Variants in KNTC1 observed in about 807,000 individuals in gnomAD.
KNTC1 encodes the protein kinetochore-associated protein 1.
KNTC1 carries 253 observed loss-of-function variants against 314.4 expected under a neutral mutation model. That is an observed-to-expected ratio of 0.80 (90% CI 0.73 to 0.89). The LOEUF is 0.89. KNTC1 is among the 40% of genes least tolerant of loss of function. KNTC1 has a pLI of 0.00. For synonymous variants in KNTC1, 901 were observed against 901.4 expected, an observed-to-expected ratio of 1.00 and a Z score of 0.01; for missense variants, 2,475 against 2,572.9, an observed-to-expected ratio of 0.96 and a Z score of 0.82.
chr12:122,550,535 C>G (rs1259428457), intron 13 of KNTC1, among the ~76,000 whole-genome samples: 1 of 152,016 alleles, frequency 6.6e-6, no homozygotes, highest in East Asian at 1.9e-4. Context: ...CAGGGTCTTG[C>G]TCTGTTGCCC....
intron 34 of KNTC1, among the ~76,000 whole-genome samples, chr12:122,583,732 A>C (rs1868791632): frequency 6.6e-6 from 1 of 152,150 alleles, no homozygotes; most frequent in Non-Finnish European, 1.5e-5. Context: ...AGGCTGAGGC[A>C]GGAGAATCGC....
chr12:122,620,726 T>A, intron 60 of KNTC1, 118 bp downstream of exon 60: 1 of 1,051,764 alleles, frequency 9.5e-7, no homozygotes, highest in Non-Finnish European at 1.4e-6. Flanking sequence ...ATACATCAGA[T>A]ATGTGTGAAG....
At chr12:122,558,219 C>T (rs1963734670) in intron 18 of KNTC1, among the ~76,000 whole-genome samples, 1 of 152,124 alleles carries the variant, frequency 6.6e-6, no homozygotes, top group South Asian at 2.1e-4. Flanking sequence ...CACTGCTCTT[C>T]AGCCTGGGTG....
Position 122,549,747 on chromosome 12 carries a change from G to A in KNTC1, c.988-19G>A. The A allele has an allele frequency of 8.6e-7, 1 of 1,161,278 alleles. No individual in the cohort carries two copies. The highest frequency in any genetic ancestry group is 1.3e-6 in the Non-Finnish European group (1 of 789,806). 71.9% of individuals were successfully genotyped at this position (1,161,278 alleles called of 1,614,324 possible). On this transcript the variant is annotated intron_variant, in intron 12 of 63. Coordinates refer to ENST00000333479, the MANE Select transcript of KNTC1 (RefSeq NM_014708.6). ...TTTAAATTGATCTGCTAAATTAATT[G>A]CTCTGCTATTTTTCTTAGATGAAAA...
At chr12:122,564,075 T>A (rs1016415571) in intron 20 of KNTC1, among the ~76,000 whole-genome samples, 1 of 152,208 alleles carries the variant, frequency 6.6e-6, no homozygotes, top group Admixed American at 6.5e-5. Flanking sequence ...CCTCTCAGTT[T>A]CAAGCAATTC....
intron 39 of KNTC1, 141 bp downstream of exon 39, chr12:122,588,015 A>T (rs1869621242): frequency 1.5e-6 from 1 of 679,262 alleles, no homozygotes; most frequent in African/African-American, 1.8e-5. Flanking sequence ...ACATTTGTTG[A>T]GCATCTCTAA....
intron 8 of KNTC1, among the ~76,000 whole-genome samples, chr12:122,544,531 C>G (rs1340628156): frequency 2.6e-5 from 4 of 151,884 alleles, no homozygotes; most frequent in Non-Finnish European, 5.9e-5. Context: ...AAAACAAAAC[C>G]AAAAAATTCC....
intron 16 of KNTC1, among the ~76,000 whole-genome samples, chr12:122,554,074 A>ATATATATATAT (rs71445282): frequency 1.3e-4 from 9 of 70,688 alleles, no homozygotes; most frequent in African/African-American, 3.1e-4. Flanking sequence ...TAAAAAAAAA[A>ATATATATATAT]AAATATATAT....
At chr12:122,614,404 G>A (rs1954034383) in intron 55 of KNTC1, among the ~76,000 whole-genome samples, 1 of 152,118 alleles carries the variant, frequency 6.6e-6, no homozygotes, top group African/African-American at 2.4e-5. Context: ...TTTAGCCTCT[G>A]AGTCAGTTGG....
At chr12:122,605,691 G>A (rs1426040425) in intron 51 of KNTC1, among the ~76,000 whole-genome samples, 1 of 151,948 alleles carries the variant, frequency 6.6e-6, no homozygotes, top group Non-Finnish European at 1.5e-5. Flanking sequence ...GATTACAGGC[G>A]CCTGCTACCA....
intron 44 of KNTC1, among the ~76,000 whole-genome samples, chr12:122,600,163 G>T (rs1392631978): frequency 1.3e-5 from 2 of 152,026 alleles, no homozygotes; most frequent in East Asian, 3.9e-4. Flanking sequence ...GTAATGGCAC[G>T]ATCTTGGCTC....
At chr12:122,584,828 G>T in intron 35 of KNTC1, 65 bp from the exon 36 acceptor site, 1 of 820,590 alleles carries the variant, frequency 1.2e-6, no homozygotes, top group South Asian at 1.7e-5. Context: ...ATTATTAAAA[G>T]GTTGTTTTCA....
chr12:122,551,827 TG>T (rs1263240457), intron 16 of KNTC1, 131 bp downstream of exon 16: 3 of 706,178 alleles, frequency 4.2e-6, no homozygotes. Flanking sequence ...TGACTGAAGT[TG>T]ATTAGAGATT....
chr12:122,537,106 C>T (rs1254183632), intron 3 of KNTC1, among the ~76,000 whole-genome samples: 5 of 152,050 alleles, frequency 3.3e-5, no homozygotes, highest in African/African-American at 2.4e-5. Flanking sequence ...GTTTTTCTGT[C>T]TTGTCCCTTC....
chr12:122,575,833 G>T lies in KNTC1; in HGVS notation c.2520G>T (p.Met840Ile). Residue 840 changes from methionine to isoleucine, a missense_variant, in exon 29 of 64, where the codon ATG becomes ATT. By Grantham distance (10) the Met-to-Ile change is conservative. Transcript: ENST00000333479. ...VKLLQESYKL[M>I]EMKKLLRGYG... ...TATTACAGGAAAGTTACAAACTAAT[G>T]GAGATGAAAAAACTTTTACGAGGCT... 6.2e-7 allele frequency: 1 copy of T among 1,613,052 alleles called. No homozygotes were observed.
intron 51 of KNTC1, among the ~76,000 whole-genome samples, chr12:122,608,926 G>C (rs1269424768): frequency 6.6e-6 from 1 of 152,014 alleles, no homozygotes; most frequent in Non-Finnish European, 1.5e-5. Context: ...AGGTGCCATG[G>C]TGTGCACCTG....
intron 51 of KNTC1, among the ~76,000 whole-genome samples, chr12:122,607,136 T>C (rs1325100557): frequency 6.6e-6 from 1 of 152,180 alleles, no homozygotes; most frequent in Non-Finnish European, 1.5e-5. Context: ...CAATATTAGC[T>C]CACTGCAACC....
chr12:122,547,591 GT>G, intron 11 of KNTC1, 61 bp downstream of exon 11: 1 of 1,033,290 alleles, frequency 9.7e-7, no homozygotes. Flanking sequence ...ATCTTGTCTG[GT>G]TTTGTTCAGG....
At position 122,591,344 on chromosome 12, in the gene KNTC1, C is replaced by T. The variant is rs747381203; in HGVS notation, c.4136C>T (p.Ser1379Phe). The change falls in exon 42 of 64, where the codon TCT becomes TTT. Residue 1379 changes from serine to phenylalanine, a missense_variant. Ser to Phe is a radical substitution (Grantham distance 155). Transcript: ENST00000333479. Reference sequence around the variant, plus strand: ...TCTCTTTTAATTTTTTAGGCAATATCTCTGGTGGGCTCTGAGCTGGCAAGT... The same window carrying T: ...TCTCTTTTAATTTTTTAGGCAATATTTCTGGTGGGCTCTGAGCTGGCAAGT... ...WQNYDKILAI[S>F]LVGSELASLY... 1.3e-6 allele frequency: 2 copies of T among 1,585,630 alleles called. No homozygotes were observed. Among genetic ancestry groups the T allele is most frequent in the Non-Finnish European group, 1.7e-6 (2 of 1,154,234 alleles).
Sources: gnomAD v4.1 joint callset for allele counts (sites outside exome capture counted in the v4.1 genomes callset) on GRCh38, gnomAD v4.1.1 for gene constraint, MANE v1.5 for transcripts, NCBI Gene and HGNC (gene_info 2026-07-23, HGNC 2026-07-21) for gene names.